The following DCTD variants were observed in gnomAD, a reference collection of about 807,000 sequenced individuals.
DCTD encodes dCMP deaminase, also known as deoxycytidylate deaminase.
Under a neutral mutation model 21.0 loss-of-function variants are expected in DCTD, and 23 were observed. The ratio of observed to expected loss-of-function variants is 1.09; its 90% confidence interval spans 0.79 to 1.55. The LOEUF (loss-of-function observed/expected upper bound fraction) is 1.55. Among genes scored for constraint, DCTD ranks in the 40% most tolerant of loss-of-function variants. The probability of loss-of-function intolerance (pLI) is 0.00; values close to 1 mark genes in which losing one functional copy is unlikely to be tolerated. For synonymous variants in DCTD, 71 were observed against 81.1 expected (o/e 0.88, Z 0.67); for missense variants, 224 against 230.0 (o/e 0.97, Z 0.17).
At chr4:182,898,614 G>A (rs935054469) in intron 3 of DCTD, among the ~76,000 whole-genome samples, 8 of 152,062 alleles carry the variant, frequency 5.3e-5, no homozygotes, top group Non-Finnish European at 7.4e-5. Context: ...CGTGCTCCCA[G>A]CCCCTTCCTC....
Position 182,894,562 on chromosome 4 carries a change from G to C in DCTD, c.288C>G (p.Thr96=), listed in dbSNP as rs769261093. The change falls in exon 4 of 6, where the codon ACC becomes ACG. Residue 96 remains threonine, a synonymous_variant. Coordinates refer to ENST00000438320, the MANE Select transcript of DCTD (RefSeq NM_001921.3). ...CATACATACTACAGCCTTTCACATC[G>C]GTCGAATTTTTGTTCATGATGGCAT... The part of the protein sequence containing the change: ...ELNAIMNKNS[T]DVKGCSMYVA... The C allele has an allele frequency of 1.2e-6, 2 of 1,614,106 alleles. No homozygotes were observed. The highest frequency in any genetic ancestry group is 1.6e-4 in the Middle Eastern group (1 of 6,062).
chr4:182,917,367 A>C lies in DCTD; in HGVS notation c.-64T>G. On this transcript the variant is annotated 5_prime_UTR_variant, in exon 1 of 6. Coordinates refer to ENST00000438320, the MANE Select transcript of DCTD (RefSeq NM_001921.3). This position sits in a 1 kb window ranked among gnomAD's most constrained non-coding sequence, Gnocchi z 4.9. ...GCTCGTCCCCGCCGCCGCCGTGCTC[A>C]GGGAAGGAAGTCGGGGGAGGAGGCG... 9.2e-7 allele frequency: 1 copy of C among 1,084,806 alleles called. No individual in the cohort carries two copies. Among genetic ancestry groups the C allele is most frequent in the Non-Finnish European group, 1.1e-6 (1 of 894,664 alleles). 67.2% of individuals were successfully genotyped at this position (1,084,806 alleles called of 1,614,324 possible). A position where few individuals can be genotyped will look rare whatever the true frequency, so the allele number is the denominator to read the frequency against.
Position 182,893,116 on chromosome 4 carries a change from C to T in DCTD, c.373G>A (p.Val125Met), listed in dbSNP as rs771246854. Reference sequence around the variant, plus strand: ...TGGTATTTATCAGACATGAAAATCACTTCTTTTATACCTGTAAGGTAACAA... The same window carrying T: ...TGGTATTTATCAGACATGAAAATCATTTCTTTTATACCTGTAAGGTAACAA... The part of the protein sequence containing the change: ...KLIIQAGIKE[V>M]IFMSDKYHDS... The change falls in exon 5 of 6, where the codon GTG (valine) becomes ATG (methionine). Residue 125 changes from valine to methionine, a missense_variant. By Grantham distance (21) the Val-to-Met change is conservative (BLOSUM62 1). Coordinates refer to ENST00000438320, the MANE Select transcript of DCTD (RefSeq NM_001921.3). 1.9e-6 allele frequency: 3 copies of T among 1,602,986 alleles called. No individual in the cohort carries two copies. The South Asian group carries it at 3.3e-5, about 18-fold the overall frequency.
Position 182,894,502 on chromosome 4 carries a change from G to A in DCTD, c.348C>T (p.Leu116=), listed in dbSNP as rs1734366056. ...ALFPCNECAK[L]IIQAGIKEVI... ...CCCGGTTCCTACCTGCCTGGATGATGAGCTTAGCGCATTCATTACAAGGGA... is the reference window on the plus strand; with the variant it reads ...CCCGGTTCCTACCTGCCTGGATGATAAGCTTAGCGCATTCATTACAAGGGA... Residue 116 remains leucine, a synonymous_variant, in exon 4 of 6, where the codon CTC becomes CTT. Coordinates refer to ENST00000438320, the MANE Select transcript of DCTD (RefSeq NM_001921.3). 3.1e-6 allele frequency: 5 copies of A among 1,610,190 alleles called. No homozygotes were observed. The highest frequency in any genetic ancestry group is 4.2e-6 in the Non-Finnish European group (5 of 1,176,514).
At position 182,914,939 on chromosome 4, in the gene DCTD, G is replaced by A. The variant is rs755335405; in HGVS notation, c.228C>T (p.Asp76=). ...PWRRTAENKL[D]TKYPYVCHAE... is the part of the protein sequence containing the mutation. ...TTGCCCTACCGTACGGGTATTTGGTGTCCAGCTTATTCTCTGCTGTCCTTC... is the reference window on the plus strand; with the variant it reads ...TTGCCCTACCGTACGGGTATTTGGTATCCAGCTTATTCTCTGCTGTCCTTC... Residue 76 remains aspartate, a synonymous_variant, in exon 3 of 6, where the codon GAC becomes GAT. Transcript: ENST00000438320. 1.1e-5 allele frequency: 17 copies of A among 1,614,104 alleles called. No homozygotes were observed. The highest frequency in any genetic ancestry group is 1.6e-4 in the Middle Eastern group (1 of 6,084).
intron 3 of DCTD, among the ~76,000 whole-genome samples, chr4:182,896,906 C>A (rs1054948664): frequency 1.3e-5 from 2 of 152,158 alleles, no homozygotes; most frequent in African/African-American, 4.8e-5. Context: ...TGGTGACGTT[C>A]GGAAGTACTG....
chr4:182,909,993 T>C (rs1389097467), intron 3 of DCTD, among the ~76,000 whole-genome samples: 1 of 152,180 alleles, frequency 6.6e-6, no homozygotes, highest in Middle Eastern at 3.2e-3. Flanking sequence ...TTCCCAGCAT[T>C]ACATCCTTTT....
intron 3 of DCTD, chr4:182,911,256 G>T (rs1737615974): frequency 6.6e-6 from 1 of 152,102 alleles, no homozygotes; most frequent in Admixed American, 6.5e-5. Flanking sequence ...TCCCATTCAG[G>T]AGAGCTCCAC....
intron 4 of DCTD, among the ~76,000 whole-genome samples, chr4:182,894,255 A>C (rs1310273772): frequency 1.3e-5 from 2 of 152,254 alleles, no homozygotes; most frequent in African/African-American, 4.8e-5. Flanking sequence ...GGCAGCTTGC[A>C]GTTTAAGAAG....
At chr4:182,915,612 A>C (rs1352001421) in intron 1 of DCTD, 37 bp from the exon 2 acceptor site, 1 of 1,360,100 alleles carries the variant, frequency 7.4e-7, no homozygotes, top group Non-Finnish European at 1.1e-6. Context: ...AGTTGAGAGA[A>C]GCATTTTAGT....
At chr4:182,902,949 T>C (rs886211633) in intron 3 of DCTD, among the ~76,000 whole-genome samples, 6 of 152,230 alleles carry the variant, frequency 3.9e-5, no homozygotes, top group African/African-American at 4.8e-5. Context: ...ATTGTTTCTG[T>C]AGAAAAATGT....
intron 3 of DCTD, among the ~76,000 whole-genome samples, chr4:182,907,091 T>C (rs1344439210): frequency 6.6e-6 from 1 of 152,246 alleles, no homozygotes; most frequent in Non-Finnish European, 1.5e-5. Flanking sequence ...GTTTTCAGCG[T>C]GTCCCATGTA....
At chr4:182,904,378 TA>T (rs1369745241) in intron 3 of DCTD, among the ~76,000 whole-genome samples, 2 of 152,190 alleles carry the variant, frequency 1.3e-5, no homozygotes, top group African/African-American at 2.4e-5. Context: ...ACGTGATGCC[TA>T]AAATGCGTGA....
chr4:182,893,174 G>A, intron 4 of DCTD, 47 bp from the exon 5 acceptor site: 1 of 1,140,160 alleles, frequency 8.8e-7, no homozygotes, highest in Non-Finnish European at 1.3e-6. Context: ...ACCTACAGAT[G>A]CTGCAAAAGA....
Position 182,917,233 on chromosome 4 carries a change from C to T in DCTD, c.-8+78G>A, listed in dbSNP as rs1376773218. On this transcript the variant is annotated intron_variant, in intron 1 of 5. Coordinates refer to ENST00000438320, the MANE Select transcript of DCTD (RefSeq NM_001921.3). The surrounding 1 kb of genome is among the most constrained non-coding windows in gnomAD (Gnocchi z 4.9). ...CCGCCCGGCAGCCAGCGCCCCGCGC[C>T]ACGCGCTCGGGACGGTGCCACGCGG... 6.0e-6 allele frequency: 6 copies of T among 1,000,892 alleles called. No homozygotes were observed. The highest frequency in any genetic ancestry group is 7.1e-6 in the Non-Finnish European group (6 of 841,334). The allele number at this position is 1,000,892 out of a possible 1,614,324, so 62.0% of individuals were successfully genotyped here. A position where few individuals can be genotyped will look rare whatever the true frequency, so the allele number is the denominator to read the frequency against.
intron 1 of DCTD, chr4:182,916,032 CT>C: frequency 4.0e-6 from 1 of 252,958 alleles, no homozygotes; most frequent in Non-Finnish European, 6.4e-6. Flanking sequence ...GCCATCCCAT[CT>C]TACACAGACT....
rs1176335071 is a variant in DCTD, at chr4:182,890,785, A to T, written c.*614T>A. The stretch of plus-strand genomic sequence containing the variant: ...GTGTGCAGTGGGAGAGCAGGAATGG[A>T]GGAAATATTCCTGGTTCAGTTACAC... On this transcript the variant is annotated 3_prime_UTR_variant, in exon 6 of 6. Transcript: ENST00000438320. 6.6e-6 allele frequency: 1 copy of T among 152,328 alleles called. No individual in the cohort carries two copies. Among genetic ancestry groups the T allele is most frequent in the Admixed American group, 6.5e-5 (1 of 15,298 alleles). The allele number at this position is 152,328 out of a possible 1,614,324, so 9.4% of individuals were successfully genotyped here.
At chr4:182,917,480 G>GGGGAGGGA (rs372179035), upstream of DCTD, 44 of 343,472 alleles carry the variant, frequency 1.3e-4, 2 homozygotes, top group East Asian at 3.5e-3. The surrounding 1 kb of genome is among the most constrained non-coding windows in gnomAD (Gnocchi z 4.9). Context: ...GAAGCCCTGA[G>GGGGAGGGA]GGGAGGGAGG....
At position 182,903,805 on chromosome 4, in the gene DCTD, CCCTACCATGT is replaced by C. The variant is rs1173174384; in HGVS notation, c.245-9210_245-9201del. 2.6e-5 allele frequency among the ~76,000 whole-genome samples: 4 copies of C among 152,266 alleles called. No individual in the cohort carries two copies. In the East Asian group the frequency reaches 5.8e-4, roughly 22 times the overall value. On this transcript the variant is annotated intron_variant, in intron 3 of 5. Transcript: ENST00000438320. ...GTTCTGCCTGTCTTCTCTGCTTCCTCCCTACCATGTCCTCACACACTGTCCACAACCTACC... is the reference window on the plus strand; with the variant it reads ...GTTCTGCCTGTCTTCTCTGCTTCCTCCCTCACACACTGTCCACAACCTACC...
Sources: gnomAD v4.1 joint callset for allele counts (sites outside exome capture counted in the v4.1 genomes callset) on GRCh38, gnomAD v4.1.1 for gene constraint, Gnocchi (gnomAD v3.1) non-coding constraint, MANE v1.5 for transcripts, NCBI Gene and HGNC (gene_info 2026-07-23, HGNC 2026-07-21) for gene names.